The following SRD5A2 variants were observed in gnomAD, a reference collection of about 807,000 sequenced individuals.
SRD5A2 encodes steroid 5 alpha-reductase 2.
Under a neutral mutation model 27.4 loss-of-function variants are expected in SRD5A2, and 30 were observed. The ratio of observed to expected loss-of-function variants is 1.10; its 90% CI spans 0.82 to 1.49. The LOEUF (loss-of-function observed/expected upper bound fraction) is 1.49, where lower values mean the gene tolerates loss of function less well. Ranked by LOEUF, SRD5A2 falls within the 40% of genes most tolerant of loss-of-function variation. The pLI, the probability that SRD5A2 is intolerant of heterozygous loss-of-function variation, is 0.00. For missense variants in SRD5A2, 348 were observed against 323.4 expected, an observed-to-expected ratio of 1.08 and a Z score of -0.58; for synonymous variants, 141 against 133.6, an observed-to-expected ratio of 1.06 and a Z score of -0.38.
chr2:31,545,098 TAACA>T (rs1326491957), intron 1 of SRD5A2, among the ~76,000 whole-genome samples: 1 of 151,860 alleles, frequency 6.6e-6, no homozygotes, highest in East Asian at 1.9e-4. Context: ...GCCCTTGATC[TAACA>T]GTTTCACTGG....
the SRD5A2 span, among the ~76,000 whole-genome samples, chr2:31,659,101 T>C: frequency 6.6e-6 from 1 of 151,496 alleles, no homozygotes; most frequent in Admixed American, 6.6e-5. Flanking sequence ...CAGAACTAGA[T>C]GCAGAAAACG....
At chr2:31,541,236 T>C (rs899585977) in intron 1 of SRD5A2, among the ~76,000 whole-genome samples, 1 of 151,952 alleles carries the variant, frequency 6.6e-6, no homozygotes, top group Non-Finnish European at 1.5e-5. Flanking sequence ...CTAAAGCAAT[T>C]TTTATAAACA....
chr2:31,631,903 G>A, the SRD5A2 span, among the ~76,000 whole-genome samples: 9 of 152,138 alleles, frequency 5.9e-5, no homozygotes, highest in African/African-American at 1.4e-4. Context: ...ACTAACTTGC[G>A]TGGTAGAAGG....
At chr2:31,533,512 G>A (rs998314468) in intron 2 of SRD5A2, 91 bp downstream of exon 2, 1 of 1,181,524 alleles carries the variant, frequency 8.5e-7, no homozygotes, top group Non-Finnish European at 1.2e-6. Flanking sequence ...ATCATTACGA[G>A]GTCATTGCAG....
chr2:31,585,162 CA>C (rs1327690612), upstream of SRD5A2, among the ~76,000 whole-genome samples: 1 of 152,202 alleles, frequency 6.6e-6, no homozygotes, highest in African/African-American at 2.4e-5. Flanking sequence ...TCAGTTCCCA[CA>C]AACCTCACCA....
chr2:31,644,384 T>C, the SRD5A2 span, among the ~76,000 whole-genome samples: 1 of 152,168 alleles, frequency 6.6e-6, no homozygotes, highest in Admixed American at 6.5e-5. Context: ...AGAAGAGGAA[T>C]ACCTATAAAG....
chr2:31,620,674 T>C, the SRD5A2 span, among the ~76,000 whole-genome samples: 4 of 151,872 alleles, frequency 2.6e-5, no homozygotes, highest in African/African-American at 9.7e-5. Context: ...AATTGGCCTT[T>C]GTATTAATAT....
the SRD5A2 span, among the ~76,000 whole-genome samples, chr2:31,597,690 CAT>C: frequency 6.6e-6 from 1 of 152,042 alleles, no homozygotes; most frequent in African/African-American, 2.4e-5. Context: ...GGCCAAGAAA[CAT>C]ATTAAAAAAT....
chr2:31,623,213 A>G, the SRD5A2 span, among the ~76,000 whole-genome samples: 1 of 152,114 alleles, frequency 6.6e-6, no homozygotes, highest in Non-Finnish European at 1.5e-5. Context: ...AATGCTTTAC[A>G]ACCCATTTTG....
At chr2:31,629,412 G>A in the SRD5A2 span, among the ~76,000 whole-genome samples, 3 of 152,168 alleles carry the variant, frequency 2.0e-5, no homozygotes, top group Admixed American at 6.5e-5. Context: ...CCAAAGCAGT[G>A]AGTAATATTG....
the SRD5A2 span, among the ~76,000 whole-genome samples, chr2:31,586,531 C>T: frequency 6.6e-6 from 1 of 151,546 alleles, no homozygotes; most frequent in South Asian, 2.1e-4. Flanking sequence ...CCACTCCTAG[C>T]TTCAGGTGTC....
chr2:31,593,441 C>T, the SRD5A2 span, among the ~76,000 whole-genome samples: 10 of 152,142 alleles, frequency 6.6e-5, 1 homozygote, highest in South Asian at 2.1e-3. Context: ...AAAAGAACTT[C>T]AGAGCTCGAA....
the SRD5A2 span, among the ~76,000 whole-genome samples, chr2:31,636,760 A>G: frequency 2.0e-5 from 3 of 152,178 alleles, no homozygotes; most frequent in South Asian, 2.1e-4. Context: ...ATTCTGTAAT[A>G]TGAAGTATTA....
chr2:31,551,053 T>C (rs1343904438), intron 1 of SRD5A2, among the ~76,000 whole-genome samples: 2 of 152,068 alleles, frequency 1.3e-5, no homozygotes, highest in Non-Finnish European at 2.9e-5. Flanking sequence ...TAAATTTCTA[T>C]TTGCTACTAA....
intron 1 of SRD5A2, among the ~76,000 whole-genome samples, chr2:31,541,797 G>T (rs1280588736): frequency 6.6e-6 from 1 of 152,154 alleles, no homozygotes; most frequent in Non-Finnish European, 1.5e-5. Context: ...AGTGATTGTG[G>T]GGCTCTGCAT....
intron 1 of SRD5A2, among the ~76,000 whole-genome samples, chr2:31,547,862 C>CATAGATAG (rs10587327): frequency 2.0e-5 from 3 of 151,664 alleles, no homozygotes; most frequent in South Asian, 4.2e-4. Context: ...CCTCTCTCTA[C>CATAGATAG]ATAGATAGAT....
intron 3 of SRD5A2, 136 bp from the exon 4 acceptor site, chr2:31,529,593 G>C: frequency 8.2e-7 from 1 of 1,225,982 alleles, no homozygotes; most frequent in Non-Finnish European, 1.1e-6. Context: ...AGTCATAGGA[G>C]TTTGGTGGAA....
chr2:31,635,016 T>C, the SRD5A2 span, among the ~76,000 whole-genome samples: 6 of 152,202 alleles, frequency 3.9e-5, no homozygotes, highest in Admixed American at 3.9e-4. Context: ...ATCTCTTTGA[T>C]ACATTGATTT....
chr2:31,580,132 C>T (rs1052577346), intron 1 of SRD5A2, among the ~76,000 whole-genome samples: 8 of 152,198 alleles, frequency 5.3e-5, no homozygotes, highest in Non-Finnish European at 1.0e-4. Context: ...CTGAGTTTCC[C>T]TCGGGAGATG....
Sources: gnomAD v4.1 joint callset for allele counts (sites outside exome capture counted in the v4.1 genomes callset) on GRCh38, gnomAD v4.1.1 for gene constraint, MANE v1.5 for transcripts, NCBI Gene and HGNC (gene_info 2026-07-23, HGNC 2026-07-21) for gene names.